The following RARB variants were observed in gnomAD, a reference collection of about 807,000 sequenced individuals.
The protein encoded by RARB is retinoic acid receptor beta.
RARB carries 17 observed loss-of-function variants against 51.9 expected under a neutral mutation model. The ratio of observed to expected loss-of-function variants is 0.33; its 90% CI spans 0.22 to 0.49. The LOEUF is 0.49. Among genes scored for constraint, RARB ranks in the 20% least tolerant of loss-of-function variants. The probability of loss-of-function intolerance (pLI) is 0.99; values close to 1 mark genes in which losing one functional copy is unlikely to be tolerated. For synonymous variants in RARB, 215 were observed against 195.4 expected, an observed-to-expected ratio of 1.10 and a Z score of -0.84; for missense variants, 369 against 550.8, an observed-to-expected ratio of 0.67 and a Z score of 3.30.
At chr3:25,131,606 A>G (rs1194599906) in intron 3 of RARB, among the ~76,000 whole-genome samples, 1 of 151,998 alleles carries the variant, frequency 6.6e-6, no homozygotes, top group African/African-American at 2.4e-5. Context: ...ACATATATAC[A>G]TATATTTGTA....
chr3:24,835,041 G>T (rs1384516388), intron 1 of RARB, among the ~76,000 whole-genome samples: 3 of 150,036 alleles, frequency 2.0e-5, no homozygotes, highest in Non-Finnish European at 4.4e-5. Context: ...CTTTTAAATT[G>T]TCTTTCTTCA....
At chr3:25,496,425 C>T (rs1395086416) in intron 2 of RARB, among the ~76,000 whole-genome samples, 1 of 152,180 alleles carries the variant, frequency 6.6e-6, no homozygotes, top group African/African-American at 2.4e-5. Context: ...AACTTGTCAG[C>T]TCAGGTTCCT....
chr3:25,428,493 C>G lies in RARB; in HGVS notation c.-239C>G. ...GAACTTGGGATCTTTCTGGGAACCC[C>G]CCGCCCCGGCTGGATTGGCCGAGCA... On this transcript the variant is annotated 5_prime_UTR_variant, in exon 1 of 8. Transcript: ENST00000330688. 2 of 1,266,800 alleles carry G rather than the reference C, an allele frequency of 1.6e-6. No homozygotes were observed. The highest frequency in any genetic ancestry group is 3.8e-5 in the Admixed American group (1 of 26,160). 78.5% of individuals were successfully genotyped at this position (1,266,800 alleles called of 1,614,324 possible).
At chr3:25,068,839 C>T (rs1347170710) in intron 3 of RARB, among the ~76,000 whole-genome samples, 1 of 151,944 alleles carries the variant, frequency 6.6e-6, no homozygotes, top group Admixed American at 6.6e-5. Flanking sequence ...TTCAGGATGG[C>T]CAATTCTTTA....
chr3:25,397,287 A>C (rs1707142178), intron 5 of RARB, among the ~76,000 whole-genome samples: 1 of 152,114 alleles, frequency 6.6e-6, no homozygotes, highest in Non-Finnish European at 1.5e-5. Flanking sequence ...GGTAAGGTTA[A>C]ATCCTTCTCC....
chr3:25,314,249 TTCA>T (rs143136886), intron 5 of RARB, among the ~76,000 whole-genome samples: 5,941 of 152,300 alleles, frequency 0.039, 158 homozygotes, highest in Middle Eastern at 0.061. Flanking sequence ...AATTTTTAGC[TTCA>T]TCATTTTTGT....
intron 5 of RARB, among the ~76,000 whole-genome samples, chr3:25,328,795 G>A (rs569994546): frequency 1.3e-3 from 198 of 152,260 alleles, no homozygotes; most frequent in Non-Finnish European, 2.4e-3. Context: ...TGTGACAGAT[G>A]GTACCTGGAA....
intron 1 of RARB, among the ~76,000 whole-genome samples, chr3:25,430,064 T>A (rs1708142398): frequency 6.6e-6 from 1 of 152,224 alleles, no homozygotes; most frequent in Non-Finnish European, 1.5e-5. Flanking sequence ...CTGAAACTTT[T>A]TCTTAAGAAT....
intron 3 of RARB, among the ~76,000 whole-genome samples, chr3:25,073,396 G>A (rs1275688802): frequency 6.6e-6 from 1 of 152,184 alleles, no homozygotes. Context: ...TTAGGATGTT[G>A]TCCCAAGGAT....
At chr3:25,325,544 C>A (rs1051672796) in intron 5 of RARB, among the ~76,000 whole-genome samples, 1 of 150,764 alleles carries the variant, frequency 6.6e-6, no homozygotes, top group Admixed American at 6.6e-5. Context: ...ACCAAATACC[C>A]CCCAGGCACT....
chr3:24,995,232 T>G (rs921552678), intron 2 of RARB, among the ~76,000 whole-genome samples: 6 of 8,234 alleles, frequency 7.3e-4, no homozygotes, highest in Non-Finnish European at 1.1e-3. Context: ...TTTCCAGGTG[T>G]TTTTTTTTAT....
intron 2 of RARB, among the ~76,000 whole-genome samples, chr3:24,941,291 C>T (rs992730095): frequency 1.3e-5 from 2 of 151,926 alleles, no homozygotes; most frequent in African/African-American, 2.4e-5. Context: ...ATTTTTACTA[C>T]GTCTAAAGGA....
rs9818202 is a variant in RARB at position 25,281,336 on chromosome 3, T to G, written c.178+106761T>G. On this transcript the variant is annotated intron_variant, in intron 5 of 11. Transcript: ENST00000383772. ...CTTTCATTCCACAATGAAGCCTGGC[T>G]TATGATGGGTTAATAATTAGATACT... Among the ~76,000 whole-genome samples, 602 of 152,296 alleles carry G rather than the reference T, an allele frequency of 4.0e-3. 8 individuals are homozygous for G. Among genetic ancestry groups the G allele is most frequent in the African/African-American group, 0.014 (563 of 41,560 alleles).
intron 3 of RARB, among the ~76,000 whole-genome samples, chr3:25,110,139 CA>C (rs766309895): frequency 2.0e-5 from 3 of 152,048 alleles, no homozygotes; most frequent in Non-Finnish European, 4.4e-5. Flanking sequence ...TGGTATCCTC[CA>C]AAAAAATCCC....
intron 5 of RARB, among the ~76,000 whole-genome samples, chr3:25,256,459 T>C (rs921812931): frequency 6.6e-6 from 1 of 152,102 alleles, no homozygotes; most frequent in Non-Finnish European, 1.5e-5. Context: ...ATATAAGCAT[T>C]AAGAAGTAGT....
intron 5 of RARB, among the ~76,000 whole-genome samples, chr3:25,385,266 A>G (rs771659691): frequency 3.9e-5 from 6 of 152,178 alleles, no homozygotes; most frequent in East Asian, 3.8e-4. Context: ...AGAAAGGACA[A>G]TACAGCCCCC....
intron 5 of RARB, among the ~76,000 whole-genome samples, chr3:25,238,354 A>G (rs1329111946): frequency 2.0e-5 from 3 of 152,160 alleles, no homozygotes; most frequent in Non-Finnish European, 2.9e-5. Flanking sequence ...GTATGGCCAA[A>G]TAGTATTCCA....
At chr3:25,472,954 G>GC (rs1695769417) in intron 2 of RARB, among the ~76,000 whole-genome samples, 1 of 152,154 alleles carries the variant, frequency 6.6e-6, no homozygotes, top group Admixed American at 6.5e-5. Context: ...GCCAGTTCTT[G>GC]CCATAGCTCT....
intron 5 of RARB, among the ~76,000 whole-genome samples, chr3:25,234,416 G>T (rs1203242274): frequency 6.6e-6 from 1 of 152,062 alleles, no homozygotes; most frequent in East Asian, 1.9e-4. Context: ...CTGTTTGTCA[G>T]TCTGGCTAGA....
Sources: gnomAD v4.1 joint callset for allele counts (sites outside exome capture counted in the v4.1 genomes callset) on GRCh38, gnomAD v4.1.1 for gene constraint, MANE v1.5 for transcripts, NCBI Gene and HGNC (gene_info 2026-07-23, HGNC 2026-07-21) for gene names.